SOX6: variants seen among roughly 807,000 people sequenced by gnomAD.
SOX6 encodes the protein SRY-box transcription factor 6.
In SOX6, 11 loss-of-function variants were observed where a neutral mutation model predicts 97.8. The observed-to-expected ratio is 0.11, with a 90% confidence interval of 0.07 to 0.19. SOX6 has a LOEUF of 0.19. Among genes scored for constraint, SOX6 ranks in the 10% least tolerant of loss-of-function variants. SOX6 has a pLI of 1.00. For missense variants in SOX6, 810 were observed against 1,039.5 expected, an observed-to-expected ratio of 0.78 and a Z score of 3.04; for synonymous variants, 360 against 371.4, an observed-to-expected ratio of 0.97 and a Z score of 0.35.
At chr11:15,997,653 G>A (rs1180209812) in intron 13 of SOX6, among the ~76,000 whole-genome samples, 1 of 152,102 alleles carries the variant, frequency 6.6e-6, no homozygotes, top group Non-Finnish European at 1.5e-5. Flanking sequence ...AAATGCTCAG[G>A]AAATTAGTAT....
intron 4 of SOX6, among the ~76,000 whole-genome samples, chr11:16,567,547 T>C (rs1407454347): frequency 1.3e-5 from 2 of 149,812 alleles, no homozygotes; most frequent in African/African-American, 2.4e-5. Flanking sequence ...ATTAATGGTA[T>C]GTCATATTTT....
chr11:16,044,561 T>C (rs916840491), intron 12 of SOX6, among the ~76,000 whole-genome samples: 1 of 152,168 alleles, frequency 6.6e-6, no homozygotes, highest in Non-Finnish European at 1.5e-5. Context: ...ATTTTGATTA[T>C]AAGAAAGCCA....
intron 4 of SOX6, among the ~76,000 whole-genome samples, chr11:16,530,870 A>G (rs1861227443): frequency 6.6e-6 from 1 of 151,258 alleles, no homozygotes; most frequent in Admixed American, 6.6e-5. Context: ...TGTAAGCCAC[A>G]CCAAACTTCT....
intron 1 of SOX6, among the ~76,000 whole-genome samples, chr11:16,385,151 T>C (rs544846289): frequency 9.2e-5 from 14 of 152,232 alleles, no homozygotes; most frequent in Admixed American, 2.6e-4. Flanking sequence ...ATGAACTAAA[T>C]GAAACAGTCA....
Position 16,538,574 on chromosome 11 carries a change from G to A in SOX6, n.610-62186C>T, listed in dbSNP as rs377278487. 2.6e-5 allele frequency among the ~76,000 whole-genome samples: 4 copies of A among 152,084 alleles called. No homozygotes were observed. The East Asian group carries it at 5.8e-4, about 22-fold the overall frequency. ...ACCCATCAGTGTACTGTATTCAGGA[G>A]ACCCATCTCATGTGCAGAGACACAC... On this transcript the variant is annotated intron_variant and non_coding_transcript_variant, in intron 4 of 5. Transcript: ENST00000524520.
chr11:16,165,125 T>G (rs191559668), intron 6 of SOX6, among the ~76,000 whole-genome samples: 1 of 152,342 alleles, frequency 6.6e-6, no homozygotes, highest in Non-Finnish European at 1.5e-5. Flanking sequence ...TTCTACTTGG[T>G]ATTTGCAAGC....
intron 4 of SOX6, among the ~76,000 whole-genome samples, chr11:16,539,614 T>G (rs757992095): frequency 3.8e-4 from 57 of 151,512 alleles, no homozygotes; most frequent in East Asian, 1.9e-4. Flanking sequence ...AACAAATAGA[T>G]GCAATAAAAA....
At chr11:16,432,198 T>C (rs1302684470) in intron 1 of SOX6, among the ~76,000 whole-genome samples, 1 of 152,108 alleles carries the variant, frequency 6.6e-6, no homozygotes, top group African/African-American at 2.4e-5. Flanking sequence ...AATACTGTCT[T>C]TAATTAGCAC....
chr11:16,469,328 A>G (rs553910408), intron 1 of SOX6, among the ~76,000 whole-genome samples: 1 of 152,282 alleles, frequency 6.6e-6, no homozygotes, highest in South Asian at 2.1e-4. Context: ...TCATTAGACA[A>G]CAAGCACAAA....
intron 1 of SOX6, among the ~76,000 whole-genome samples, chr11:16,385,641 C>T (rs1008989204): frequency 6.6e-6 from 1 of 151,656 alleles, no homozygotes; most frequent in Non-Finnish European, 1.5e-5. Context: ...TTGGATACAC[C>T]CAAGTCTTAG....
At chr11:16,321,820 C>T (rs993314486) in intron 2 of SOX6, among the ~76,000 whole-genome samples, 3 of 152,238 alleles carry the variant, frequency 2.0e-5, no homozygotes, top group African/African-American at 7.2e-5. Context: ...TTATGTTATA[C>T]CATGCTTAAC....
intron 4 of SOX6, among the ~76,000 whole-genome samples, chr11:16,522,503 C>A (rs987895497): frequency 6.6e-6 from 1 of 151,994 alleles, no homozygotes; most frequent in Non-Finnish European, 1.5e-5. Flanking sequence ...AAAGGAACAA[C>A]CAGTACCAGC....
At chr11:16,291,064 C>T (rs1479273347) in intron 3 of SOX6, among the ~76,000 whole-genome samples, 1 of 151,766 alleles carries the variant, frequency 6.6e-6, no homozygotes, top group African/African-American at 2.4e-5. Context: ...ATAAGCAGTG[C>T]TTTGGCCACC....
At chr11:16,520,557 G>A (rs1861042921) in intron 4 of SOX6, among the ~76,000 whole-genome samples, 2 of 152,214 alleles carry the variant, frequency 1.3e-5, no homozygotes, top group Admixed American at 1.3e-4. Context: ...CGACGTAGAA[G>A]ACGGGTGATT....
intron 6 of SOX6, among the ~76,000 whole-genome samples, chr11:16,159,085 T>C (rs1850675705): frequency 6.6e-6 from 1 of 152,070 alleles, no homozygotes; most frequent in Non-Finnish European, 1.5e-5. Context: ...ACCTAAATCA[T>C]ATCTACCAAT....
In SOX6 at chr11:16,391,709, GA is replaced by G. The variant is rs534755164; in HGVS notation, c.-4-50458del. Among the ~76,000 whole-genome samples, 1,141 of 152,152 alleles carry G rather than the reference GA, an allele frequency of 7.5e-3. 17 individuals carry two copies. Among genetic ancestry groups the G allele is most frequent in the African/African-American group, 0.026 (1,092 of 41,488 alleles). ...TAAGTGAAGATGAAAATGAGTATGT[GA>G]AAGATCATATTTCCTTATTCTTTCA... On this transcript the variant is annotated intron_variant, in intron 1 of 15. Transcript: ENST00000396356.
Position 15,971,633 on chromosome 11 carries a change from G to A in SOX6, c.*1176C>T, listed in dbSNP as rs1339553796. The A allele has an allele frequency of 6.6e-6, 1 of 152,512 alleles. No homozygotes were observed. Among genetic ancestry groups the A allele is most frequent in the African/African-American group, 2.4e-5 (1 of 41,426 alleles). The allele number at this position is 152,512 out of a possible 1,614,324, so 9.4% of individuals were successfully genotyped here. A position where few individuals can be genotyped will look rare whatever the true frequency, so the allele number is the denominator to read the frequency against. ...ATCCCAATACACAGCCCTGCAGCCA[G>A]ATACATACTCATGATTAAAAACAAT... On this transcript the variant is annotated 3_prime_UTR_variant, in exon 16 of 16. Transcript: ENST00000683767.
chr11:16,420,357 C>A (rs911203661), intron 1 of SOX6, among the ~76,000 whole-genome samples: 2 of 152,154 alleles, frequency 1.3e-5, no homozygotes, highest in East Asian at 1.9e-4. Context: ...ACCCTTCCAA[C>A]TTGAGACAAC....
intron 4 of SOX6, among the ~76,000 whole-genome samples, chr11:16,577,974 T>C (rs187943664): frequency 1.3e-5 from 2 of 152,296 alleles, no homozygotes; most frequent in African/African-American, 2.4e-5. Context: ...TTTGATGTCA[T>C]ATCTAAGAAA....
Sources: allele counts gnomAD v4.1 joint callset (sites outside exome capture counted in the v4.1 genomes callset), GRCh38; gene constraint gnomAD v4.1.1; transcripts MANE v1.5; gene names NCBI Gene and HGNC (gene_info 2026-07-23, HGNC 2026-07-21).